The following SCN1A variants were observed in gnomAD, a reference collection of about 807,000 sequenced individuals.
SCN1A encodes sodium channel protein type 1 subunit alpha.
A neutral mutation model predicts 193.7 loss-of-function variants in SCN1A; 13 were observed. The observed-to-expected ratio is 0.07, with a 90% CI of 0.04 to 0.11. The LOEUF is 0.11. Ranked by LOEUF, SCN1A falls within the 10% of genes least tolerant of loss-of-function variation. The pLI, the probability that SCN1A is intolerant of heterozygous loss-of-function variation, is 1.00. For synonymous variants in SCN1A, 781 were observed against 843.6 expected (o/e 0.93, Z 1.29); for missense variants, 1,432 against 2,451.1 (o/e 0.58, Z 8.78).
chr2:166,029,701 T>A (rs1485596812), intron 19 of SCN1A, among the ~76,000 whole-genome samples: 1 of 152,210 alleles, frequency 6.6e-6, no homozygotes, highest in Non-Finnish European at 1.5e-5. Context: ...ATAAATATGT[T>A]GTATGTGCTG....
At chr2:166,041,822 C>T (rs1219072344) in intron 15 of SCN1A, among the ~76,000 whole-genome samples, 1 of 152,190 alleles carries the variant, frequency 6.6e-6, no homozygotes, top group East Asian at 1.9e-4. Context: ...AATGACTCTA[C>T]ATTGTCAACC....
intron 2 of SCN1A, among the ~76,000 whole-genome samples, chr2:166,082,247 T>C (rs944895913): frequency 7.9e-5 from 12 of 152,064 alleles, no homozygotes; most frequent in Non-Finnish European, 1.3e-4. Context: ...TTAGAACTTA[T>C]GTGCTTCCTA....
rs1212982908 is a variant in SCN1A, at chr2:166,048,815, AAGAG to A, written c.1028+67_1028+70del. ...GGCTGTTATCTTCAGTTTCTATAAA[AAGAG>A]AGAAAAGATACACATATGTATGTGT... On this transcript the variant is annotated intron_variant, in intron 10 of 28. Transcript: ENST00000674923. The A allele has an allele frequency of 1.5e-4, 157 of 1,028,432 alleles. 5 individuals are homozygous for A. In the South Asian group the frequency reaches 1.9e-3, roughly 13 times the overall value. The allele number at this position is 1,028,432 out of a possible 1,614,324, so 63.7% of individuals were successfully genotyped here.
intron 8 of SCN1A, 108 bp downstream of exon 8, chr2:166,052,744 G>T: frequency 1.1e-6 from 1 of 925,680 alleles, no homozygotes; most frequent in Non-Finnish European, 1.7e-6. Context: ...CATTTTCTTT[G>T]AAACACCTAG....
chr2:165,989,713 T>C lies in SCN1A; in HGVS notation c.*1532A>G, dbSNP rs1200778843. On this transcript the variant is annotated 3_prime_UTR_variant, in exon 29 of 29. Transcript: ENST00000674923. Reference sequence around the variant, plus strand: ...AAATTTCTTTCATGAAAAAGTACTATGGACAGAAAGTAAGAAAAGTGATTG... The same window carrying C: ...AAATTTCTTTCATGAAAAAGTACTACGGACAGAAAGTAAGAAAAGTGATTG... 1 of 152,594 alleles carries C rather than the reference T, an allele frequency of 6.6e-6. No homozygotes were observed. Among genetic ancestry groups the C allele is most frequent in the East Asian group, 1.9e-4 (1 of 5,186 alleles). 9.5% of individuals were successfully genotyped at this position (152,594 alleles called of 1,614,324 possible).
At chr2:166,139,910 A>C (rs1692013850) in intron 1 of SCN1A, among the ~76,000 whole-genome samples, 1 of 152,210 alleles carries the variant, frequency 6.6e-6, no homozygotes, top group African/African-American at 2.4e-5. Context: ...GTAGAGACTC[A>C]GGAATAAACA....
intron 3 of SCN1A, among the ~76,000 whole-genome samples, chr2:166,076,838 C>CAA (rs55783230): frequency 1.0e-3 from 147 of 147,700 alleles, no homozygotes; most frequent in South Asian, 8.7e-3. Context: ...CATCCAAATG[C>CAA]AAAAAAAAAA....
In SCN1A at chr2:166,052,857, A is replaced by G; in HGVS notation, c.689T>C (p.Ile230Thr). Reference protein sequence around the residue: ...VLRALKTISVIPGLKTIVGAL... With the variant: ...VLRALKTISVTPGLKTIVGAL... ...TTATCTAACCTTGCTCTCACCTGGA[A>G]TGACTGAAATCGTCTTCAATGCTCG... is the stretch of plus-strand genomic sequence containing the variant. Residue 230 changes from isoleucine (I) to threonine (T), a missense_variant, in exon 8 of 29, where the codon ATT becomes ACT. Ile to Thr is a moderately conservative substitution (Grantham distance 89). Around this residue, in one of 18 missense-constraint regions of SCN1A, gnomAD observed 123 missense variants for 282.8 expected, o/e 0.43. Coordinates refer to ENST00000674923, the MANE Select transcript of SCN1A (RefSeq NM_001165963.4). 6.2e-7 allele frequency: 1 copy of G among 1,611,724 alleles called. No homozygotes were observed. Among genetic ancestry groups the G allele is most frequent in the Non-Finnish European group, 8.5e-7 (1 of 1,178,504 alleles).
intron 2 of SCN1A, among the ~76,000 whole-genome samples, chr2:166,121,212 A>AG (rs1378765802): frequency 2.0e-5 from 3 of 152,014 alleles, no homozygotes; most frequent in Non-Finnish European, 4.4e-5. Context: ...AGAAACCACC[A>AG]AAAGTCTACC....
rs534797129 is a variant in SCN1A, at chr2:166,038,558, G to A, written c.2590-426C>T. Among the ~76,000 whole-genome samples the A allele has an allele frequency of 5.1e-3, 781 of 151,978 alleles. 4 individuals carry two copies. Among genetic ancestry groups the A allele is most frequent in the Non-Finnish European group, 8.9e-3 (607 of 67,962 alleles). On this transcript the variant is annotated intron_variant, in intron 17 of 28. Coordinates refer to ENST00000674923, the MANE Select transcript of SCN1A (RefSeq NM_001165963.4). ...TCACCATGTTGGCCAGGCTGGTCAC[G>A]AACTCCTGACCTCAAGTGATCCAAC...
chr2:166,108,511 G>C (rs1688942075), intron 2 of SCN1A, among the ~76,000 whole-genome samples: 1 of 152,048 alleles, frequency 6.6e-6, no homozygotes, highest in Non-Finnish European at 1.5e-5. Context: ...ATATGGACAT[G>C]TTCATAGCAG....
chr2:166,018,338 C>A (rs1041465794), intron 19 of SCN1A, among the ~76,000 whole-genome samples: 6 of 151,932 alleles, frequency 3.9e-5, no homozygotes, highest in Admixed American at 6.6e-5. Context: ...AAAGACTTAT[C>A]TGACTTACCT....
At chr2:166,134,925 A>G (rs1229792928) in intron 1 of SCN1A, among the ~76,000 whole-genome samples, 1 of 152,170 alleles carries the variant, frequency 6.6e-6, no homozygotes, top group Admixed American at 6.5e-5. Context: ...ATCTATTGCC[A>G]CAGGAGGATA....
chr2:166,135,522 C>T (rs1046278754), intron 1 of SCN1A, among the ~76,000 whole-genome samples: 1 of 152,172 alleles, frequency 6.6e-6, no homozygotes, highest in African/African-American at 2.4e-5. Flanking sequence ...TACCATATTT[C>T]TTGGGGAAAT....
In SCN1A at chr2:166,036,283, T is replaced by C. The variant is rs1574169900; in HGVS notation, c.3194A>G (p.His1065Arg). The C allele has an allele frequency of 6.2e-7, 1 of 1,613,966 alleles. No individual in the cohort carries two copies. Among genetic ancestry groups the C allele is most frequent in the East Asian group, 2.2e-5 (1 of 44,834 alleles). The stretch of plus-strand genomic sequence containing the variant: ...AAGATCTTTCCCAATTTCTGCTGTA[T>C]GATTGGACATACAACTGTCTTTCTT... Reference protein sequence around the residue: ...NNKKDSCMSNHTAEIGKDLDY... With the variant: ...NNKKDSCMSNRTAEIGKDLDY... The change falls in exon 19 of 29, where the codon CAT becomes CGT. Residue 1065 changes from histidine to arginine, a missense_variant. Around this residue, in one of 18 missense-constraint regions of SCN1A, gnomAD observed 198 missense variants for 225.8 expected, o/e 0.88. Transcript: ENST00000674923.
intron 2 of SCN1A, among the ~76,000 whole-genome samples, chr2:166,090,959 A>G (rs1258217963): frequency 6.6e-6 from 1 of 152,234 alleles, no homozygotes; most frequent in East Asian, 1.9e-4. Flanking sequence ...CCACAATTAC[A>G]TTCTGTTTAA....
At chr2:166,022,169 T>C (rs1336169026) in intron 19 of SCN1A, among the ~76,000 whole-genome samples, 1 of 152,018 alleles carries the variant, frequency 6.6e-6, no homozygotes, top group Non-Finnish European at 1.5e-5. Flanking sequence ...AAGAAGATGA[T>C]GTTAAATGAA....
chr2:166,056,300 C>T, intron 6 of SCN1A, 111 bp downstream of exon 6: 1 of 745,082 alleles, frequency 1.3e-6, no homozygotes, highest in Non-Finnish European at 2.4e-6. Context: ...GTAATTTTGT[C>T]TAGGAATGAC....
At chr2:166,099,346 T>C (rs1399117610) in intron 2 of SCN1A, among the ~76,000 whole-genome samples, 1 of 150,940 alleles carries the variant, frequency 6.6e-6, no homozygotes, top group Admixed American at 6.6e-5. Flanking sequence ...AAATTAGGTA[T>C]TGATGGGACG....
Sources: gnomAD v4.1 joint callset for allele counts (sites outside exome capture counted in the v4.1 genomes callset) on GRCh38, gnomAD v4.1.1 for gene constraint, gnomAD v4.1.1 regional missense constraint, MANE v1.5 for transcripts, NCBI Gene and HGNC (gene_info 2026-07-23, HGNC 2026-07-21) for gene names.